The following GAS2L1 variants were observed in gnomAD, a reference collection of about 807,000 sequenced individuals.
GAS2L1 encodes the protein GAS2-like protein 1.
In GAS2L1, 26 loss-of-function variants were observed where a neutral mutation model predicts 44.0. The observed-to-expected ratio is 0.59, with a 90% CI of 0.43 to 0.82. The LOEUF is 0.82. Among genes scored for constraint, GAS2L1 ranks in the 40% least tolerant of loss-of-function variants. The pLI is 0.00. For missense variants in GAS2L1, 1,006 were observed against 983.0 expected (o/e 1.02, Z -0.31); for synonymous variants, 426 against 415.9 (o/e 1.02, Z -0.30).
Position 29,311,461 on chromosome 22 carries a change from G to T in GAS2L1, c.1011-1G>T. ...CTGTCTCTATTGTCCCCCTGCCCCA[G>T]GCCCCGGGATCAGCTGCCCCCCCAT... On this transcript the variant is annotated splice_acceptor_variant, in intron 4 of 4. Coordinates refer to ENST00000618518, the Ensembl canonical transcript of GAS2L1. LOFTEE classifies it high-confidence loss of function. The T allele has an allele frequency of 7.9e-7, 1 of 1,258,598 alleles. No homozygotes were observed. The allele number at this position is 1,258,598 out of a possible 1,614,324, so 78.0% of individuals were successfully genotyped here. A position where few individuals can be genotyped will look rare whatever the true frequency, so the allele number is the denominator to read the frequency against.
At chr22:29,311,084 A>G (rs1248226639) in intron 4 of GAS2L1, 86 bp downstream of exon 5, 10 of 1,309,668 alleles carry the variant, frequency 7.6e-6, no homozygotes, top group Non-Finnish European at 9.4e-6. Context: ...CCTGTGCGCC[A>G]GAGTGACTCA....
chr22:29,312,356 G>A, exon 5 of GAS2L1: 10 of 1,604,380 alleles, frequency 6.2e-6, no homozygotes, highest in Non-Finnish European at 8.5e-6. Context: ...CACGGGGTCG[G>A]ATGGACACAC....
At chr22:29,309,295 G>T (rs1305848911) in intron 1 of GAS2L1, among the ~76,000 whole-genome samples, 3 of 152,198 alleles carry the variant, frequency 2.0e-5, no homozygotes, top group African/African-American at 7.2e-5. Context: ...TGGGAGCAGG[G>T]ATCCTGTTTG....
At chr22:29,308,841 C>T in intron 1 of GAS2L1, 103 bp downstream of exon 2, 2 of 923,098 alleles carry the variant, frequency 2.2e-6, no homozygotes, top group Non-Finnish European at 3.0e-6. Flanking sequence ...GCAGAACAGT[C>T]TGCCCCACAA....
rs562671359 is a variant in GAS2L1, at chr22:29,311,925, A to T, written c.1474A>T (p.Ser492Cys). The stretch of plus-strand genomic sequence containing the variant: ...CCGGCTTTCCCGGGTCTCCAGCCCC[A>T]GTCCAGAGTTGGGCACCACACCGGC... The change falls in exon 5 of 5, where the codon AGT becomes TGT. Residue 492 changes from serine (S) to cysteine (C), a missense_variant. Ser to Cys is a moderately radical substitution (Grantham distance 112, BLOSUM62 -1). Transcript: ENST00000618518. 18 of 1,604,176 alleles carry T rather than the reference A, an allele frequency of 1.1e-5. No individual in the cohort carries two copies. In the East Asian group the frequency reaches 4.0e-4, roughly 36 times the overall value.
At chr22:29,308,518 T>C in exon 1 of GAS2L1, 1 of 1,608,048 alleles carries the variant, frequency 6.2e-7, no homozygotes, top group Non-Finnish European at 8.5e-7. Context: ...AGCGTGGTGC[T>C]GTGCCTGCTG....
chr22:29,308,029 T>C, exon 1 of GAS2L1: 1 of 1,258,834 alleles, frequency 7.9e-7, no homozygotes, highest in Non-Finnish European at 1.1e-6. Context: ...GCAGCTTAAT[T>C]TGTACTGAGC....
upstream of GAS2L1, chr22:29,306,902 G>C (rs955207925): frequency 9.9e-5 from 15 of 152,130 alleles, no homozygotes; most frequent in South Asian, 2.1e-4. Flanking sequence ...ATCGCGGGCG[G>C]GGGGAGACCC....
exon 5 of GAS2L1, chr22:29,312,229 C>T: frequency 1.2e-6 from 2 of 1,613,006 alleles, no homozygotes; most frequent in Non-Finnish European, 1.7e-6. Context: ...CTGCCTGGGC[C>T]CCGAAGCCAA....
chr22:29,312,223 C>G (rs569391983), exon 5 of GAS2L1: 1 of 1,613,016 alleles, frequency 6.2e-7, no homozygotes, highest in East Asian at 2.2e-5. Context: ...AATGGGCTGC[C>G]TGGGCCCCGA....
Position 29,310,437 on chromosome 22 carries a change from A to T in GAS2L1, c.634-2A>T. 6.4e-7 allele frequency: 1 copy of T among 1,551,296 alleles called. No individual in the cohort carries two copies. The highest frequency in any genetic ancestry group is 8.9e-7 in the Non-Finnish European group (1 of 1,123,264). ...ACCCCTACCCTCTCTCTCTGGCCTC[A>T]GGTGAGGGAGATTCTGGGCCGCTGC... is the stretch of plus-strand genomic sequence containing the variant. On this transcript the variant is annotated splice_acceptor_variant, in intron 1 of 4. Coordinates refer to ENST00000618518, the Ensembl canonical transcript of GAS2L1. LOFTEE classifies it high-confidence loss of function.
At chr22:29,308,120 G>A (rs759770165) in exon 1 of GAS2L1, 12 of 1,559,164 alleles carry the variant, frequency 7.7e-6, no homozygotes, top group African/African-American at 4.0e-5. Context: ...CAGACCCAGT[G>A]GCGGGCATCG....
At chr22:29,307,830 C>T (rs1221463903) in exon 1 of GAS2L1, 1 of 309,598 alleles carries the variant, frequency 3.2e-6, no homozygotes, top group African/African-American at 2.1e-5. Flanking sequence ...CCAGTTTCCA[C>T]CGCAAAAAGC....
exon 5 of GAS2L1, chr22:29,312,702 A>T (rs2061424363): frequency 2.3e-6 from 1 of 432,802 alleles, no homozygotes; most frequent in Non-Finnish European, 4.1e-6. Context: ...ATATTATTGA[A>T]TGCCTTAGAG....
chr22:29,308,241 C>T (rs767931194), exon 1 of GAS2L1: 1 of 1,609,330 alleles, frequency 6.2e-7, no homozygotes, highest in East Asian at 2.2e-5. Context: ...CCTGGGTCTC[C>T]CGGGTGGTGG....
chr22:29,310,815 C>A lies in GAS2L1; in HGVS notation c.839-12C>A, dbSNP rs1267228312. The A allele has an allele frequency of 8.7e-6, 14 of 1,607,640 alleles. No homozygotes were observed. Among genetic ancestry groups the A allele is most frequent in the Non-Finnish European group, 1.2e-5 (14 of 1,178,668 alleles). Reference sequence around the variant, plus strand: ...CTGTCCCTCACATGCTGCCTGTCCTCTCTCCCCGCAGCTCATCGCCCACCC... The same window carrying A: ...CTGTCCCTCACATGCTGCCTGTCCTATCTCCCCGCAGCTCATCGCCCACCC... On this transcript the variant is annotated splice_polypyrimidine_tract_variant and intron_variant, in intron 3 of 4. Coordinates refer to ENST00000618518, the Ensembl canonical transcript of GAS2L1.
exon 5 of GAS2L1, chr22:29,312,662 T>G: frequency 2.2e-6 from 1 of 459,578 alleles, no homozygotes; most frequent in South Asian, 7.7e-5. Flanking sequence ...ACATTCCGGT[T>G]GGGGGATGAG....
In GAS2L1 at chr22:29,312,076, GA is replaced by G. The variant is rs1319759736; in HGVS notation, c.1626del (p.Pro543GlnfsTer73). ...GCTGTTGCTAGCGTGACCCCCACTGGACCAGCCCCTGACCCAGCTCGGGCCC... is the reference window on the plus strand; with the variant it reads ...GCTGTTGCTAGCGTGACCCCCACTGGCCAGCCCCTGACCCAGCTCGGGCCC... On this transcript the variant is annotated frameshift_variant, in exon 5 of 5. Transcript: ENST00000618518. LOFTEE classifies it high-confidence loss of function. 1 of 1,612,690 alleles carries G rather than the reference GA, an allele frequency of 6.2e-7. No homozygotes were observed. Among genetic ancestry groups the G allele is most frequent in the Non-Finnish European group, 8.5e-7 (1 of 1,179,874 alleles).
Position 29,312,201 on chromosome 22 carries a change from G to C in GAS2L1, c.1750G>C (p.Gly584Arg), listed in dbSNP as rs557172658. The C allele has an allele frequency of 1.2e-4, 198 of 1,613,080 alleles. 1 individual carries two copies. The Middle Eastern group carries it at 2.0e-3, about 16-fold the overall frequency. ...CAAATGTGGCCAACCTGGGGACTCT[G>C]GCCGGACGGCCAATGGGCTGCCTGG... Residue 584 changes from glycine (G) to arginine (R), a missense_variant, in exon 5 of 5, where the codon GGC (glycine) becomes CGC (arginine). Coordinates refer to ENST00000618518, the Ensembl canonical transcript of GAS2L1.
Sources: gnomAD v4.1 joint callset for allele counts (sites outside exome capture counted in the v4.1 genomes callset) on GRCh38, gnomAD v4.1.1 for gene constraint, MANE v1.5 for transcripts, NCBI Gene and HGNC (gene_info 2026-07-23, HGNC 2026-07-21) for gene names.